Variants in COL4A1 observed in about 807,000 individuals in gnomAD.
The protein encoded by COL4A1 is collagen alpha-1(IV) chain.
COL4A1 carries 40 observed loss-of-function variants against 216.6 expected under a neutral mutation model. The observed-to-expected ratio is 0.18, with a 90% CI of 0.14 to 0.24. The LOEUF is 0.24. COL4A1 is among the 10% of genes least tolerant of loss of function. The probability of loss-of-function intolerance (pLI) is 1.00; values close to 1 mark genes in which losing one functional copy is unlikely to be tolerated. For synonymous variants in COL4A1, 839 were observed against 810.7 expected, an observed-to-expected ratio of 1.03 and a Z score of -0.59; for missense variants, 1,628 against 2,196.8, an observed-to-expected ratio of 0.74 and a Z score of 5.18.
intron 1 of COL4A1, among the ~76,000 whole-genome samples, chr13:110,302,964 A>T (rs191136645): frequency 6.6e-6 from 1 of 152,280 alleles, no homozygotes; most frequent in East Asian, 1.9e-4. Context: ...TTATTATAAC[A>T]AATATCATAG....
chr13:110,206,617 A>G, intron 15 of COL4A1, 48 bp downstream of exon 15: 2 of 1,597,722 alleles, frequency 1.3e-6, no homozygotes, highest in Non-Finnish European at 1.7e-6. Flanking sequence ...GATTTTCCGC[A>G]TGGAAGGAGA....
chr13:110,222,253 C>T (rs956250045), intron 2 of COL4A1, among the ~76,000 whole-genome samples: 12 of 152,254 alleles, frequency 7.9e-5, no homozygotes, highest in African/African-American at 2.6e-4. Flanking sequence ...AGCCAAGCAC[C>T]CCCTTGTTGA....
chr13:110,219,097 G>A (rs1419504911), intron 2 of COL4A1, among the ~76,000 whole-genome samples: 1 of 152,096 alleles, frequency 6.6e-6, no homozygotes, highest in African/African-American at 2.4e-5. Flanking sequence ...GCGGGGTCAT[G>A]GAAAACTCTG....
At chr13:110,213,892 A>C in intron 3 of COL4A1, 34 bp downstream of exon 3, 1 of 1,612,694 alleles carries the variant, frequency 6.2e-7, no homozygotes, top group Middle Eastern at 1.6e-4. Flanking sequence ...GCAATCTTAC[A>C]TCCACCCACC....
intron 1 of COL4A1, among the ~76,000 whole-genome samples, chr13:110,250,203 CAA>C (rs796114385): frequency 2.4e-4 from 17 of 71,780 alleles, no homozygotes; most frequent in Admixed American, 3.1e-4. Flanking sequence ...ACATTCTTGG[CAA>C]AAAAAAAAAA....
At chr13:110,151,475 C>T (rs981114376) in intron 51 of COL4A1, among the ~76,000 whole-genome samples, 1 of 152,196 alleles carries the variant, frequency 6.6e-6, no homozygotes, top group African/African-American at 2.4e-5. Flanking sequence ...CAGTTAGGCA[C>T]GCGGCACTTT....
chr13:110,161,894 C>A, intron 48 of COL4A1: 1 of 389,368 alleles, frequency 2.6e-6, no homozygotes. Context: ...GGTTAAGCCG[C>A]ATCAATGCAA....
In COL4A1 at chr13:110,207,567, A is replaced by C. The variant is rs1879575619; in HGVS notation, c.694-78T>G. 1.7e-6 allele frequency: 2 copies of C among 1,166,136 alleles called. No homozygotes were observed. The highest frequency in any genetic ancestry group is 2.5e-5 in the South Asian group (2 of 79,900). The allele number at this position is 1,166,136 out of a possible 1,614,324, so 72.2% of individuals were successfully genotyped here. On this transcript the variant is annotated intron_variant, in intron 12 of 51. Transcript: ENST00000375820. This position sits in a 1 kb window ranked among gnomAD's most constrained non-coding sequence, Gnocchi z 4.4. ...ATGAAAAATTGCAGAGAGAGGTAAA[A>C]GCCTAAAATAAAACACCTATTTTTA...
At position 110,152,464 on chromosome 13, in the gene COL4A1, A is replaced by T. The variant is rs1876547135; in HGVS notation, c.4798T>A (p.Ser1600Thr). 2 of 1,613,678 alleles carry T rather than the reference A, an allele frequency of 1.2e-6. No homozygotes were observed. Among genetic ancestry groups the T allele is most frequent in the East Asian group, 4.5e-5 (2 of 44,848 alleles). Residue 1600 changes from serine to threonine, a missense_variant, in exon 51 of 52, where the codon TCC becomes ACC. By Grantham distance (58) the Ser-to-Thr change is moderately conservative. Transcript: ENST00000375820. ...AACTCCTCCAGGCAGGAGCCGGGGG[A>T]CGCCAGGGCTTGGCCAGAGCCTTCT... is the stretch of plus-strand genomic sequence containing the variant. ...GAEGSGQALA[S>T]PGSCLEEFRS...
chr13:110,261,748 G>C (rs377421607), intron 1 of COL4A1, among the ~76,000 whole-genome samples: 1 of 152,234 alleles, frequency 6.6e-6, no homozygotes, highest in Non-Finnish European at 1.5e-5. Context: ...AAGCCGCGCA[G>C]GGGCAGGGGC....
intron 1 of COL4A1, chr13:110,265,978 C>A (rs528637522): frequency 6.6e-6 from 1 of 152,266 alleles, no homozygotes; most frequent in Admixed American, 6.5e-5. Context: ...CCAGCTCAAC[C>A]GTCTGCGGTG....
In COL4A1 at chr13:110,307,035, C is replaced by G; in HGVS notation, c.-8G>C. On this transcript the variant is annotated 5_prime_UTR_variant, in exon 1 of 52. Coordinates refer to ENST00000375820, the MANE Select transcript of COL4A1 (RefSeq NM_001845.6). This position sits in a 1 kb window ranked among gnomAD's most constrained non-coding sequence, Gnocchi z 5.0. ...GCTGAGCCGGGGCCCCATGGTGGCG[C>G]GCCCGAGGCGGCGAGGGACGGCTGC... 2.1e-6 allele frequency: 3 copies of G among 1,458,490 alleles called. No individual in the cohort carries two copies. The highest frequency in any genetic ancestry group is 1.8e-6 in the Non-Finnish European group (2 of 1,110,146). The allele number at this position is 1,458,490 out of a possible 1,614,324, so 90.3% of individuals were successfully genotyped here. A position where few individuals can be genotyped will look rare whatever the true frequency, so the allele number is the denominator to read the frequency against.
At chr13:110,229,657 A>T in intron 2 of COL4A1, among the ~76,000 whole-genome samples, 1 of 152,184 alleles carries the variant, frequency 6.6e-6, no homozygotes, top group Non-Finnish European at 1.5e-5. Context: ...CTTAGAAAAA[A>T]GACCCCAGAG....
Position 110,183,101 on chromosome 13 carries a change from T to C in COL4A1, c.1991-4A>G. On this transcript the variant is annotated splice_polypyrimidine_tract_variant and splice_region_variant and intron_variant, in intron 27 of 51. Transcript: ENST00000375820. ...GTTCCGGGAAAGCCTCGGTCTCCTG[T>C]GGTGAGAAAGACCAACAGTCAGCGT... The C allele has an allele frequency of 1.2e-6, 2 of 1,612,634 alleles. No individual in the cohort carries two copies. Among genetic ancestry groups the C allele is most frequent in the Non-Finnish European group, 8.5e-7 (1 of 1,179,544 alleles).
At chr13:110,219,688 A>ATGTATATATG (rs1880296597) in intron 2 of COL4A1, among the ~76,000 whole-genome samples, 1 of 114,050 alleles carries the variant, frequency 8.8e-6, no homozygotes, top group Non-Finnish European at 1.8e-5. Flanking sequence ...GTGTATATAT[A>ATGTATATATG]TGTATATATA....
At chr13:110,190,084 T>A (rs1318083702) in intron 24 of COL4A1, among the ~76,000 whole-genome samples, 1 of 152,152 alleles carries the variant, frequency 6.6e-6, no homozygotes, top group Non-Finnish European at 1.5e-5. Flanking sequence ...AATACTGTGA[T>A]CTTAGGGTGA....
chr13:110,213,136 G>T (rs1007301238), intron 4 of COL4A1, among the ~76,000 whole-genome samples: 5 of 152,072 alleles, frequency 3.3e-5, no homozygotes, highest in African/African-American at 9.7e-5. Context: ...CTGGAAGGAG[G>T]TGAGGGATCA....
chr13:110,256,724 T>C (rs1882588161), intron 1 of COL4A1, among the ~76,000 whole-genome samples: 1 of 150,088 alleles, frequency 6.7e-6, no homozygotes, highest in African/African-American at 2.5e-5. Flanking sequence ...CTACACTCTA[T>C]TCATGCCCCA....
Position 110,179,481 on chromosome 13 carries a change from A to G in COL4A1, c.2194-60T>C, listed in dbSNP as rs1387355370. The G allele has an allele frequency of 3.7e-6, 6 of 1,612,032 alleles. No individual in the cohort carries two copies. The East Asian group carries it at 1.3e-4, about 36-fold the overall frequency. ...TTTGCAAAGTCAGTATTTTTATCAA[A>G]CCAATAGCGTAAGTGAAGACTTAAC... On this transcript the variant is annotated intron_variant, in intron 29 of 51. Transcript: ENST00000375820.
Sources: gnomAD v4.1 joint callset for allele counts (sites outside exome capture counted in the v4.1 genomes callset) on GRCh38, gnomAD v4.1.1 for gene constraint, Gnocchi (gnomAD v3.1) non-coding constraint, MANE v1.5 for transcripts, NCBI Gene and HGNC (gene_info 2026-07-23, HGNC 2026-07-21) for gene names.